Variants in CTBP2 observed in about 807,000 individuals in gnomAD.
CTBP2 encodes C-terminal binding protein 2, also known as C-terminal-binding protein 2.
CTBP2 carries 30 observed loss-of-function variants against 80.3 expected under a neutral mutation model. The ratio of observed to expected loss-of-function variants is 0.37; its 90% CI spans 0.28 to 0.51. The LOEUF is 0.51. Among genes scored for constraint, CTBP2 ranks in the 20% least tolerant of loss-of-function variants. CTBP2 has a pLI of 0.93. For synonymous variants in CTBP2, 594 were observed against 587.4 expected (o/e 1.01, Z -0.16); for missense variants, 1,212 against 1,375.3 (o/e 0.88, Z 1.88).
intron 2 of CTBP2, among the ~76,000 whole-genome samples, chr10:125,040,609 C>T (rs975720029): frequency 6.6e-6 from 1 of 151,316 alleles, no homozygotes; most frequent in Non-Finnish European, 1.5e-5. Flanking sequence ...TACACACACA[C>T]ACACACACAC....
intron 1 of CTBP2, among the ~76,000 whole-genome samples, chr10:125,117,085 C>T (rs1336447845): frequency 2.7e-4 from 41 of 152,358 alleles, no homozygotes; most frequent in Non-Finnish European, 4.4e-5. Flanking sequence ...CTCTGGCCAC[C>T]TGTGTGTGAA....
intron 8 of CTBP2, among the ~76,000 whole-genome samples, 176 bp from the exon 11 acceptor site, chr10:124,989,874 CCA>C (rs1952355915): frequency 6.6e-6 from 1 of 152,048 alleles, no homozygotes; most frequent in African/African-American, 2.4e-5. Context: ...GTAGTGGCGA[CCA>C]CAGGCATGAG....
intron 1 of CTBP2, among the ~76,000 whole-genome samples, chr10:125,007,086 CTA>C (rs1177916157): frequency 6.6e-6 from 1 of 152,232 alleles, no homozygotes; most frequent in Non-Finnish European, 1.5e-5. Flanking sequence ...CCTCTATGCG[CTA>C]TTTTTCCTTT....
chr10:125,140,185 C>T (rs1288340757), intron 1 of CTBP2, among the ~76,000 whole-genome samples: 2 of 151,992 alleles, frequency 1.3e-5, no homozygotes, highest in South Asian at 2.1e-4. Flanking sequence ...TGTTCACAGA[C>T]GACCACCCAG....
chr10:125,026,986 C>T lies in CTBP2; in HGVS notation c.774G>A (p.Gly258=). The change falls in exon 1 of 9, where the codon GGG becomes GGA. Residue 258 remains glycine (G), a synonymous_variant. Transcript: ENST00000309035. The stretch of plus-strand genomic sequence containing the variant: ...TGGATGGGATGCTTTCCCGGGCAGG[C>T]CCGTAGCCACGATTCAGGGCCCCTG... 1 of 1,613,970 alleles carries T rather than the reference C, an allele frequency of 6.2e-7. No individual in the cohort carries two copies. Among genetic ancestry groups the T allele is most frequent in the Non-Finnish European group, 8.5e-7 (1 of 1,180,022 alleles).
intron 2 of CTBP2, among the ~76,000 whole-genome samples, chr10:125,094,262 C>T (rs2135722198): frequency 6.6e-6 from 1 of 152,238 alleles, no homozygotes; most frequent in Non-Finnish European, 1.5e-5. Context: ...GGAGCCATCC[C>T]AACATGTCAC....
chr10:124,986,400 TAATGA>T lies in CTBP2; in HGVS notation c.*3113_*3117del, dbSNP rs1054181040. The T allele has an allele frequency of 2.0e-5, 3 of 152,432 alleles. No individual in the cohort carries two copies. The highest frequency in any genetic ancestry group is 7.2e-5 in the African/African-American group (3 of 41,392). The allele number at this position is 152,432 out of a possible 1,614,324, so 9.4% of individuals were successfully genotyped here. A position where few individuals can be genotyped will look rare whatever the true frequency, so the allele number is the denominator to read the frequency against. On this transcript the variant is annotated 3_prime_UTR_variant, in exon 9 of 9. Coordinates refer to ENST00000309035, the MANE Select transcript of CTBP2 (RefSeq NM_022802.3). ...CTTGCTTCTTGTTTTGTTTAGTTGA[TAATGA>T]AATGTGTACAACCTCAAATTTGCTG...
chr10:125,146,289 T>A (rs1292613123), intron 1 of CTBP2, among the ~76,000 whole-genome samples: 1 of 151,348 alleles, frequency 6.6e-6, no homozygotes, highest in South Asian at 2.1e-4. Context: ...GAGATTTTTT[T>A]TTTTTTTTGG....
intron 2 of CTBP2, among the ~76,000 whole-genome samples, chr10:125,067,041 C>A (rs1394692975): frequency 1.3e-5 from 2 of 152,202 alleles, no homozygotes; most frequent in Admixed American, 1.3e-4. Flanking sequence ...AGACACCCCC[C>A]ACGTCCACCT....
At chr10:125,160,383 C>G (rs1482071172) in exon 1 of CTBP2, 1 of 154,098 alleles carries the variant, frequency 6.5e-6, no homozygotes, top group African/African-American at 2.5e-5. Context: ...GCGGCGGCGT[C>G]TCCCGCCCCT....
chr10:125,086,421 T>G (rs575093375), intron 2 of CTBP2, among the ~76,000 whole-genome samples: 2 of 152,092 alleles, frequency 1.3e-5, no homozygotes, highest in East Asian at 3.9e-4. Flanking sequence ...GCAATCCCTG[T>G]AATCTCAGCT....
chr10:124,985,331 A>T lies in CTBP2; in HGVS notation c.*4187T>A, dbSNP rs2134009713. 5.4e-6 allele frequency: 1 copy of T among 186,088 alleles called. No homozygotes were observed. Among genetic ancestry groups the T allele is most frequent in the Admixed American group, 6.0e-5 (1 of 16,574 alleles). The allele number at this position is 186,088 out of a possible 1,614,324, so 11.5% of individuals were successfully genotyped here. A position where few individuals can be genotyped will look rare whatever the true frequency, so the allele number is the denominator to read the frequency against. Reference sequence around the variant, plus strand: ...AAAGTTGTACCAGCATCTTCATATTATTGAGAAAATTTTTTCCAGCATGGG... The same window carrying T: ...AAAGTTGTACCAGCATCTTCATATTTTTGAGAAAATTTTTTCCAGCATGGG... On this transcript the variant is annotated 3_prime_UTR_variant, in exon 9 of 9. Transcript: ENST00000309035.
At position 124,987,583 on chromosome 10, in the gene CTBP2, A is replaced by G. The variant is rs1012643320; in HGVS notation, c.*1935T>C. On this transcript the variant is annotated 3_prime_UTR_variant, in exon 9 of 9. Transcript: ENST00000309035. The stretch of plus-strand genomic sequence containing the variant: ...TTTGATGAGTGGTTACGAAGACGTT[A>G]AACTACCTTTTTGTTCCCTGGGGTA... The G allele has an allele frequency of 6.6e-6, 1 of 152,170 alleles. No individual in the cohort carries two copies. The highest frequency in any genetic ancestry group is 1.5e-5 in the Non-Finnish European group (1 of 68,032). 9.4% of individuals were successfully genotyped at this position (152,170 alleles called of 1,614,324 possible).
chr10:125,048,326 C>T (rs1038155791), intron 2 of CTBP2, among the ~76,000 whole-genome samples: 2 of 152,096 alleles, frequency 1.3e-5, no homozygotes, highest in East Asian at 1.9e-4. Flanking sequence ...TCATTTCTAT[C>T]CCAACTTAAG....
At chr10:125,015,249 G>A (rs1956352154) in intron 1 of CTBP2, among the ~76,000 whole-genome samples, 1 of 152,232 alleles carries the variant, frequency 6.6e-6, no homozygotes, top group South Asian at 2.1e-4. Context: ...TTGCCAGCAA[G>A]TGACCAACAC....
At chr10:125,159,386 G>A (rs1861537156) in intron 1 of CTBP2, among the ~76,000 whole-genome samples, 1 of 143,304 alleles carries the variant, frequency 7.0e-6, no homozygotes, top group Admixed American at 6.9e-5. Flanking sequence ...GAGCGCGGCC[G>A]GGCAGAGGAA....
intron 1 of CTBP2, among the ~76,000 whole-genome samples, chr10:125,115,765 C>G (rs753425621): frequency 9.9e-5 from 15 of 152,192 alleles, no homozygotes; most frequent in Non-Finnish European, 1.9e-4. Flanking sequence ...GGTTAGGCAT[C>G]CCAAGCGTTC....
chr10:125,153,188 C>T (rs1221069417), intron 1 of CTBP2, among the ~76,000 whole-genome samples: 1 of 152,244 alleles, frequency 6.6e-6, no homozygotes, highest in African/African-American at 2.4e-5. Context: ...TGTCTCCACT[C>T]CAGGCTGAAC....
At chr10:125,144,356 G>A (rs745832288) in intron 1 of CTBP2, among the ~76,000 whole-genome samples, 4 of 152,182 alleles carry the variant, frequency 2.6e-5, no homozygotes, top group Non-Finnish European at 5.9e-5. Flanking sequence ...AATTAACTGT[G>A]AGCCCAGCCT....
Sources: gnomAD v4.1 joint callset for allele counts (sites outside exome capture counted in the v4.1 genomes callset) on GRCh38, gnomAD v4.1.1 for gene constraint, MANE v1.5 for transcripts, NCBI Gene and HGNC (gene_info 2026-07-23, HGNC 2026-07-21) for gene names.